Variants in UNKL observed in about 807,000 individuals in gnomAD.
UNKL encodes the protein putative E3 ubiquitin-protein ligase UNKL.
Under a neutral mutation model 78.0 loss-of-function variants are expected in UNKL, and 60 were observed. That is an observed-to-expected ratio of 0.77 (90% CI 0.63 to 0.95). UNKL has a LOEUF of 0.95. Among genes scored for constraint, UNKL ranks in the 40% least tolerant of loss-of-function variants. The pLI, the probability that UNKL is intolerant of heterozygous loss-of-function variation, is 0.00. For missense variants in UNKL, 1,159 were observed against 1,045.7 expected, an observed-to-expected ratio of 1.11 and a Z score of -1.49; for synonymous variants, 608 against 474.8, an observed-to-expected ratio of 1.28 and a Z score of -3.65.
intron 10 of UNKL, chr16:1,378,969 G>C (rs1197941079): frequency 6.6e-6 from 1 of 152,294 alleles, no homozygotes; most frequent in South Asian, 2.1e-4. Context: ...AGAAAGAGCT[G>C]ACCCTTGTGC....
intron 2 of UNKL, among the ~76,000 whole-genome samples, chr16:1,404,844 T>C (rs2037677086): frequency 6.6e-6 from 1 of 151,946 alleles, no homozygotes; most frequent in Non-Finnish European, 1.5e-5. Flanking sequence ...CGTGGGCTTC[T>C]ATCCACACAA....
intron 12 of UNKL, among the ~76,000 whole-genome samples, chr16:1,369,065 T>TG (rs1567199387): frequency 1.0e-4 from 13 of 124,936 alleles, no homozygotes; most frequent in Non-Finnish European, 8.5e-5. Flanking sequence ...GTTTTTTTTT[T>TG]TTTTTTTTTT....
At chr16:1,394,341 G>T in intron 6 of UNKL, 126 bp from the exon 7 acceptor site, 1 of 1,171,848 alleles carries the variant, frequency 8.5e-7, no homozygotes, top group Non-Finnish European at 1.2e-6. Context: ...TGAAAAGGGG[G>T]GCGTGGGCCC....
At chr16:1,369,411 C>G (rs552179676) in intron 12 of UNKL, among the ~76,000 whole-genome samples, 1 of 151,284 alleles carries the variant, frequency 6.6e-6, no homozygotes, top group Non-Finnish European at 1.5e-5. Flanking sequence ...CTCTTGTTGC[C>G]CAGGCTGGAG....
chr16:1,388,930 G>C (rs991887492), intron 9 of UNKL, among the ~76,000 whole-genome samples: 2 of 152,168 alleles, frequency 1.3e-5, no homozygotes, highest in Non-Finnish European at 2.9e-5. Flanking sequence ...TGCTACAGTG[G>C]CCATGGTTTG....
chr16:1,366,229 C>T lies in UNKL; in HGVS notation c.*11G>A. On this transcript the variant is annotated 3_prime_UTR_variant, in exon 15 of 15. Transcript: ENST00000389221. ...AGGGTGCCCAGCAGGAGGTGGCTGT[C>T]CCCGCTGAGGTCACCACTGCAGGGG... The T allele has an allele frequency of 6.6e-7, 1 of 1,519,634 alleles. No homozygotes were observed. Among genetic ancestry groups the T allele is most frequent in the Non-Finnish European group, 8.9e-7 (1 of 1,127,426 alleles). 94.1% of individuals were successfully genotyped at this position (1,519,634 alleles called of 1,614,324 possible). A position where few individuals can be genotyped will look rare whatever the true frequency, so the allele number is the denominator to read the frequency against.
At chr16:1,383,698 G>A (rs1301618959) in intron 10 of UNKL, 13 of 398,640 alleles carry the variant, frequency 3.3e-5, no homozygotes, top group South Asian at 6.9e-5. Context: ...CAGAAGCTGC[G>A]GCTCTCGGGC....
intron 6 of UNKL, chr16:1,394,587 C>T (rs1435147533): frequency 4.4e-6 from 2 of 450,406 alleles, no homozygotes; most frequent in African/African-American, 2.0e-5. Context: ...CCTGATCAGA[C>T]CCACTGACCC....
chr16:1,398,625 G>C, intron 5 of UNKL: 1 of 1,431,972 alleles, frequency 7.0e-7, no homozygotes, highest in Non-Finnish European at 9.1e-7. Flanking sequence ...ACACAGACAG[G>C]GCCTCAGGGA....
chr16:1,377,001 T>C (rs2142029239), intron 10 of UNKL, among the ~76,000 whole-genome samples: 1 of 152,052 alleles, frequency 6.6e-6, no homozygotes, highest in South Asian at 2.1e-4. Flanking sequence ...CGCCTGGGGT[T>C]CAGGTGCATC....
At chr16:1,392,432 T>C (rs563801876) in intron 8 of UNKL, among the ~76,000 whole-genome samples, 1 of 150,642 alleles carries the variant, frequency 6.6e-6, no homozygotes, top group African/African-American at 2.5e-5. Flanking sequence ...CAACCCCCTC[T>C]TCCCCCCTCT....
chr16:1,403,157 T>G lies in UNKL; in HGVS notation c.464+11A>C, dbSNP rs1291996877. The G allele has an allele frequency of 6.2e-7, 1 of 1,604,746 alleles. No individual in the cohort carries two copies. The highest frequency in any genetic ancestry group is 8.5e-7 in the Non-Finnish European group (1 of 1,175,060). On this transcript the variant is annotated intron_variant, in intron 3 of 14. Transcript: ENST00000389221. This position sits in a 1 kb window ranked among gnomAD's most constrained non-coding sequence, Gnocchi z 4.8. ...GGCAGGCCAAGTGCCCACTCGTGGATGCCCACTCACCTGACGTCACACACG... is the reference window on the plus strand; with the variant it reads ...GGCAGGCCAAGTGCCCACTCGTGGAGGCCCACTCACCTGACGTCACACACG...
At chr16:1,392,279 G>A (rs1398068366) in intron 8 of UNKL, among the ~76,000 whole-genome samples, 1 of 152,116 alleles carries the variant, frequency 6.6e-6, no homozygotes, top group Non-Finnish European at 1.5e-5. Context: ...CTCGAAGCCG[G>A]GCGTGAATTC....
chr16:1,407,324 T>G (rs2037811918), intron 2 of UNKL: 1 of 152,336 alleles, frequency 6.6e-6, no homozygotes, highest in Non-Finnish European at 1.5e-5. Flanking sequence ...ACAGGAGTTC[T>G]GCACCTGCCG....
chr16:1,370,445 C>T, intron 11 of UNKL, 88 bp from the exon 12 acceptor site: 2 of 1,498,538 alleles, frequency 1.3e-6, no homozygotes, highest in African/African-American at 1.4e-5. Context: ...GAAGACGGAC[C>T]CTGCAGGTGG....
Position 1,371,581 on chromosome 16 carries a change from A to G in UNKL, c.1295T>C (p.Val432Ala). The change falls in exon 11 of 15, where the codon GTG (valine) becomes GCG (alanine). Residue 432 changes from valine (V) to alanine (A), a missense_variant. By Grantham distance (64) the Val-to-Ala change is moderately conservative. Coordinates refer to ENST00000389221, the MANE Select transcript of UNKL (RefSeq NM_001372107.1). ...GSALDLHLSNVNIASLEKDLE... is the reference protein window; with the variant it reads ...GSALDLHLSNANIASLEKDLE... ...GTCCTTCTCTAGGGATGCAATATTC[A>G]CATTGCTAAGATGCAGGTCTAACGC... is the stretch of plus-strand genomic sequence containing the variant. 6.5e-7 allele frequency: 1 copy of G among 1,536,154 alleles called. No individual in the cohort carries two copies. The highest frequency in any genetic ancestry group is 8.7e-7 in the Non-Finnish European group (1 of 1,146,900).
chr16:1,395,928 C>T (rs1024412165), intron 6 of UNKL: 6 of 372,300 alleles, frequency 1.6e-5, no homozygotes, highest in African/African-American at 8.4e-5. Context: ...AGCCCCTGCA[C>T]GCCTCCCCCT....
Position 1,367,306 on chromosome 16 carries a change from C to T in UNKL, c.1832G>A (p.Arg611His), listed in dbSNP as rs758262484. ...CCGGTCGCTATCGGCCACACGGGCA[C>T]GCTCCTTGGCCTCCTGCGCCTCTCG... The part of the protein sequence containing the change: ...WQREAQEAKE[R>H]ARVADSDRQL... The change falls in exon 14 of 15, where the codon CGT (arginine) becomes CAT (histidine). Residue 611 changes from arginine to histidine, a missense_variant. Coordinates refer to ENST00000389221, the MANE Select transcript of UNKL (RefSeq NM_001372107.1). 3.8e-5 allele frequency: 59 copies of T among 1,554,042 alleles called. No individual in the cohort carries two copies. Among genetic ancestry groups the T allele is most frequent in the Non-Finnish European group, 4.4e-5 (51 of 1,154,134 alleles).
chr16:1,399,703 G>T lies in UNKL; in HGVS notation c.599-194C>A. On this transcript the variant is annotated intron_variant, in intron 4 of 14. Coordinates refer to ENST00000389221, the MANE Select transcript of UNKL (RefSeq NM_001372107.1). This position sits in a 1 kb window ranked among gnomAD's most constrained non-coding sequence, Gnocchi z 5.8. ...TCCATGAGGGAAGCCGGGCCAGAAG[G>T]CCACGTGGTGTGATTCTGTTTATGT... 6 of 802,008 alleles carry T rather than the reference G, an allele frequency of 7.5e-6. No individual in the cohort carries two copies. Among genetic ancestry groups the T allele is most frequent in the South Asian group, 7.1e-5 (4 of 56,536 alleles). 49.7% of individuals were successfully genotyped at this position (802,008 alleles called of 1,614,324 possible).
Sources: allele counts gnomAD v4.1 joint callset (sites outside exome capture counted in the v4.1 genomes callset), GRCh38; gene constraint gnomAD v4.1.1; non-coding constraint Gnocchi (gnomAD v3.1); transcripts MANE v1.5; gene names NCBI Gene and HGNC (gene_info 2026-07-23, HGNC 2026-07-21).